Variants in LRRTM4 observed in about 807,000 individuals in gnomAD.
The protein encoded by LRRTM4 is leucine rich repeat transmembrane neuronal 4.
Under a neutral mutation model 47.6 loss-of-function variants are expected in LRRTM4, and 25 were observed. The observed-to-expected ratio is 0.53, with a 90% CI of 0.38 to 0.73. The LOEUF is 0.73. Ranked by LOEUF, LRRTM4 falls within the 30% of genes least tolerant of loss-of-function variation. The pLI is 0.00. For missense variants in LRRTM4, 638 were observed against 713.4 expected (o/e 0.89, Z 1.20); for synonymous variants, 311 against 269.5 (o/e 1.15, Z -1.51).
At chr2:77,385,528 T>TAAAACTAC (rs1673226272) in intron 3 of LRRTM4, among the ~76,000 whole-genome samples, 1 of 152,072 alleles carries the variant, frequency 6.6e-6, no homozygotes, top group Non-Finnish European at 1.5e-5. Context: ...ACTGATGAGG[T>TAAAACTAC]TTAAAATAGT....
chr2:77,116,026 G>A (rs1246563352), intron 3 of LRRTM4, among the ~76,000 whole-genome samples: 3 of 152,064 alleles, frequency 2.0e-5, no homozygotes, highest in East Asian at 1.9e-4. Context: ...CTGAAAATCA[G>A]TGCTCCCTTG....
intron 3 of LRRTM4, among the ~76,000 whole-genome samples, chr2:77,350,674 T>C (rs1044050859): frequency 6.6e-6 from 1 of 152,114 alleles, no homozygotes; most frequent in Non-Finnish European, 1.5e-5. Context: ...TCCTTTATAA[T>C]ATCTACAAAA....
intron 3 of LRRTM4, among the ~76,000 whole-genome samples, chr2:77,337,011 C>T (rs1241892656): frequency 6.6e-6 from 1 of 152,146 alleles, no homozygotes; most frequent in Non-Finnish European, 1.5e-5. Flanking sequence ...GGACAAACAA[C>T]TTCAGCAAAG....
intron 3 of LRRTM4, among the ~76,000 whole-genome samples, chr2:76,793,021 G>A (rs1573112199): frequency 6.6e-6 from 1 of 152,248 alleles, no homozygotes; most frequent in South Asian, 2.1e-4. Context: ...CTACTACTCT[G>A]AAAATATTAC....
Position 77,086,975 on chromosome 2 carries a change from TGCAACCTTTTAAACCTTGTA to T in LRRTM4, c.1552-338079_1552-338060del, listed in dbSNP as rs558568647. ...AGGCATTCTGGGTTTAATATAAAAC[TGCAACCTTTTAAACCTTGTA>T]GCTGAGCTCCCAGCGTAATATTGCA... On this transcript the variant is annotated intron_variant, in intron 3 of 3. Coordinates refer to ENST00000409884, the MANE Select transcript of LRRTM4 (RefSeq NM_001134745.3). 5.8e-3 allele frequency among the ~76,000 whole-genome samples: 878 copies of T among 152,326 alleles called. 12 individuals carry two copies. The highest frequency in any genetic ancestry group is 5.4e-3 in the Non-Finnish European group (367 of 68,030).
intron 3 of LRRTM4, among the ~76,000 whole-genome samples, chr2:76,954,953 C>T (rs2103896584): frequency 6.6e-6 from 1 of 151,734 alleles, no homozygotes; most frequent in East Asian, 1.9e-4. Flanking sequence ...AAACCGCCAG[C>T]CATAACATAA....
chr2:77,452,370 A>C (rs1676291321), intron 3 of LRRTM4, among the ~76,000 whole-genome samples: 1 of 152,186 alleles, frequency 6.6e-6, no homozygotes, highest in Non-Finnish European at 1.5e-5. Context: ...GAGTAAAGGA[A>C]AAGAGAGATA....
chr2:77,268,497 T>G (rs1676110965), intron 3 of LRRTM4, among the ~76,000 whole-genome samples: 1 of 152,154 alleles, frequency 6.6e-6, no homozygotes, highest in African/African-American at 2.4e-5. Flanking sequence ...GCTGAACTCC[T>G]GGAAGTCTTC....
intron 3 of LRRTM4, among the ~76,000 whole-genome samples, chr2:77,140,135 A>T (rs1672078052): frequency 6.6e-6 from 1 of 152,200 alleles, no homozygotes; most frequent in Non-Finnish European, 1.5e-5. Flanking sequence ...TTTAAAGTTC[A>T]TATGGAACCA....
intron 3 of LRRTM4, among the ~76,000 whole-genome samples, chr2:76,770,256 A>G (rs773115396): frequency 1.7e-4 from 26 of 152,230 alleles, no homozygotes; most frequent in Non-Finnish European, 3.5e-4. Flanking sequence ...CTGCAATGTC[A>G]TAAATCCTTG....
intron 3 of LRRTM4, among the ~76,000 whole-genome samples, chr2:76,957,962 T>G (rs1357621376): frequency 6.6e-6 from 1 of 151,630 alleles, no homozygotes; most frequent in African/African-American, 2.4e-5. Flanking sequence ...ATATATAATT[T>G]TAATCAACAT....
chr2:77,258,758 TA>T (rs796674248), intron 3 of LRRTM4, among the ~76,000 whole-genome samples: 7 of 150,000 alleles, frequency 4.7e-5, no homozygotes, highest in South Asian at 4.2e-4. Context: ...TTCTTATTTT[TA>T]AAAAAAAAAT....
chr2:77,040,758 C>A (rs1037389257), intron 3 of LRRTM4, among the ~76,000 whole-genome samples: 3 of 151,358 alleles, frequency 2.0e-5, no homozygotes, highest in African/African-American at 7.3e-5. Flanking sequence ...AGAAGAGAAA[C>A]TGCTTTAGTC....
chr2:77,090,647 T>A (rs575446185), intron 3 of LRRTM4, among the ~76,000 whole-genome samples: 20 of 152,138 alleles, frequency 1.3e-4, no homozygotes, highest in Non-Finnish European at 2.4e-4. Flanking sequence ...CCCAGGAGCT[T>A]GCTACAAGTG....
At chr2:77,162,225 A>G (rs1389628685) in intron 3 of LRRTM4, among the ~76,000 whole-genome samples, 3 of 152,206 alleles carry the variant, frequency 2.0e-5, no homozygotes, top group Non-Finnish European at 2.9e-5. Context: ...GCTCACTGCT[A>G]GTACAGCAGT....
At chr2:77,185,200 C>T (rs957045784) in intron 3 of LRRTM4, among the ~76,000 whole-genome samples, 29 of 152,256 alleles carry the variant, frequency 1.9e-4, no homozygotes, top group Admixed American at 5.2e-4. Flanking sequence ...TTAGAAGACA[C>T]CCTGTACTCA....
intron 3 of LRRTM4, among the ~76,000 whole-genome samples, chr2:77,426,945 CT>C (rs751202720): frequency 1.3e-5 from 2 of 150,140 alleles, no homozygotes; most frequent in Non-Finnish European, 3.0e-5. Flanking sequence ...CTGTATTCCC[CT>C]TTATTCTTTA....
chr2:77,301,648 T>C (rs1677135844), intron 3 of LRRTM4, among the ~76,000 whole-genome samples: 1 of 152,196 alleles, frequency 6.6e-6, no homozygotes, highest in African/African-American at 2.4e-5. Context: ...GCTTTTATTC[T>C]GCCCCATGAG....
intron 3 of LRRTM4, among the ~76,000 whole-genome samples, chr2:77,347,883 T>C (rs937224043): frequency 7.9e-5 from 12 of 152,044 alleles, no homozygotes; most frequent in African/African-American, 2.7e-4. Flanking sequence ...TCTTTATATA[T>C]CTACTTATAT....
Sources: gnomAD v4.1 joint callset for allele counts (sites outside exome capture counted in the v4.1 genomes callset) on GRCh38, gnomAD v4.1.1 for gene constraint, MANE v1.5 for transcripts, NCBI Gene and HGNC (gene_info 2026-07-23, HGNC 2026-07-21) for gene names.